ENG: variants seen among roughly 807,000 people sequenced by gnomAD.
ENG encodes CD105 antigen.
A neutral mutation model predicts 71.0 loss-of-function variants in ENG; 17 were observed. That is an observed-to-expected ratio of 0.24 (90% CI 0.16 to 0.36). The LOEUF is 0.36. Ranked by LOEUF, ENG falls within the 10% of genes least tolerant of loss-of-function variation. ENG has a pLI of 1.00. For synonymous variants in ENG, 360 were observed against 366.9 expected (o/e 0.98, Z 0.21); for missense variants, 749 against 868.3 (o/e 0.86, Z 1.73).
chr9:127,846,812 G>A lies in ENG; in HGVS notation c.68-3567C>T, dbSNP rs1219189980. ...CCGGGACTGGGTCAGAGGAGGAGCC[G>A]CTGGGGGCCTGGGTGACTGGAACCC... On this transcript the variant is annotated intron_variant, in intron 1 of 14. Coordinates refer to ENST00000373203, the MANE Select transcript of ENG (RefSeq NM_001114753.3). The surrounding 1 kb of genome is among the most constrained non-coding windows in gnomAD (Gnocchi z 5.5). 2 of 953,566 alleles carry A rather than the reference G, an allele frequency of 2.1e-6. No individual in the cohort carries two copies. Among genetic ancestry groups the A allele is most frequent in the Non-Finnish European group, 2.5e-6 (2 of 801,082 alleles). 59.1% of individuals were successfully genotyped at this position (953,566 alleles called of 1,614,324 possible). A position where few individuals can be genotyped will look rare whatever the true frequency, so the allele number is the denominator to read the frequency against.
Position 127,825,854 on chromosome 9 carries a change from C to G in ENG, c.530G>C (p.Gly177Ala). The change falls in exon 5 of 15, where the codon GGG becomes GCG. Residue 177 changes from glycine to alanine, a missense_variant. Gly to Ala is a moderately conservative substitution (Grantham distance 60, BLOSUM62 0). Transcript: ENST00000373203. The stretch of plus-strand genomic sequence containing the variant: ...TTCCAGCATGCAGAAGGACAGTGAC[C>G]CCTGGGCTGCAGAGACACGCGCACC... ...SILLRLGQAQ[G>A]SLSFCMLEAS... is the part of the protein sequence containing the mutation. 6.3e-7 allele frequency: 1 copy of G among 1,591,140 alleles called. No individual in the cohort carries two copies. Among genetic ancestry groups the G allele is most frequent in the South Asian group, 1.1e-5 (1 of 87,686 alleles).
intron 2 of ENG, among the ~76,000 whole-genome samples, chr9:127,830,340 TAAAAAAAAAAAA>T (rs141738433): frequency 1.5e-5 from 1 of 66,848 alleles, no homozygotes; most frequent in Non-Finnish European, 2.9e-5. Flanking sequence ...AGACTCCATC[TAAAAAAAAAAAA>T]AAAAAAAAGG....
chr9:127,829,968 G>A, intron 2 of ENG, 141 bp from the exon 3 acceptor site: 1 of 1,150,476 alleles, frequency 8.7e-7, no homozygotes, highest in Non-Finnish European at 1.3e-6. Context: ...AGTGCCCAGG[G>A]TAGTGCCTGT....
intron 1 of ENG, among the ~76,000 whole-genome samples, chr9:127,845,810 G>A (rs1564463766): frequency 2.6e-5 from 4 of 152,288 alleles, no homozygotes; most frequent in South Asian, 2.1e-4. Context: ...GGGTTCAAGC[G>A]ATCCTCCTGC....
At chr9:127,848,406 A>G (rs745422280) in intron 1 of ENG, among the ~76,000 whole-genome samples, 5 of 152,006 alleles carry the variant, frequency 3.3e-5, no homozygotes, top group Admixed American at 6.6e-5. Context: ...CCTCTGCCTC[A>G]GCCTCCCGAG....
intron 1 of ENG, among the ~76,000 whole-genome samples, chr9:127,843,920 C>T (rs998679447): frequency 2.1e-5 from 3 of 146,034 alleles, no homozygotes; most frequent in African/African-American, 7.5e-5. Flanking sequence ...TATAGGCATG[C>T]ACCACCACAC....
chr9:127,845,437 T>C (rs1487258461), intron 1 of ENG, among the ~76,000 whole-genome samples: 3 of 152,216 alleles, frequency 2.0e-5, no homozygotes, highest in African/African-American at 4.8e-5. Flanking sequence ...AGGCCTTATA[T>C]GTCGTCTCTC....
intron 1 of ENG, among the ~76,000 whole-genome samples, chr9:127,847,881 C>T (rs1007187540): frequency 3.3e-5 from 5 of 152,168 alleles, no homozygotes; most frequent in Non-Finnish European, 7.3e-5. Context: ...CATGCCTTGG[C>T]CCCGGGCTCC....
At position 127,837,253 on chromosome 9, in the gene ENG, G is replaced by T. The variant is rs773835858; in HGVS notation, c.219+5841C>A. On this transcript the variant is annotated intron_variant, in intron 2 of 14. Coordinates refer to ENST00000373203, the MANE Select transcript of ENG (RefSeq NM_001114753.3). ...CCTCGCTGTGGCATCCTATCTCTGAGCCTCAGCCTCCCCATCTGTGCAGGG... is the reference window on the plus strand; with the variant it reads ...CCTCGCTGTGGCATCCTATCTCTGATCCTCAGCCTCCCCATCTGTGCAGGG... Among the ~76,000 whole-genome samples, 54 of 152,282 alleles carry T rather than the reference G, an allele frequency of 3.5e-4. No individual in the cohort carries two copies. The Middle Eastern group carries it at 0.01, about 29-fold the overall frequency.
At chr9:127,824,609 C>T (rs1347561169) in intron 7 of ENG, among the ~76,000 whole-genome samples, 163 bp from the exon 8 acceptor site, 1 of 147,380 alleles carries the variant, frequency 6.8e-6, no homozygotes, top group Admixed American at 7.1e-5. Context: ...ACCTCCATCT[C>T]CCAGGTTCAA....
chr9:127,845,441 G>A (rs914000071), intron 1 of ENG, among the ~76,000 whole-genome samples: 5 of 152,204 alleles, frequency 3.3e-5, no homozygotes, highest in African/African-American at 9.6e-5. Context: ...CTTATATGTC[G>A]TCTCTCTGAC....
chr9:127,834,946 T>C (rs1328352160), intron 2 of ENG, among the ~76,000 whole-genome samples: 1 of 151,960 alleles, frequency 6.6e-6, no homozygotes, highest in Non-Finnish European at 1.5e-5. Context: ...AGTGGGTTTA[T>C]AACTTTTGGT....
intron 1 of ENG, among the ~76,000 whole-genome samples, chr9:127,847,698 T>A (rs1029772131): frequency 1.3e-5 from 2 of 151,920 alleles, no homozygotes; most frequent in East Asian, 1.9e-4. Context: ...AATCCACCCA[T>A]CTCAGCCTCC....
At chr9:127,820,801 C>G (rs1335568302) in intron 8 of ENG, among the ~76,000 whole-genome samples, 1 of 151,440 alleles carries the variant, frequency 6.6e-6, no homozygotes, top group Admixed American at 6.6e-5. Context: ...TGCACTCCAG[C>G]CTGGGCAACA....
chr9:127,815,683 T>G lies in ENG; in HGVS notation c.1976A>C (p.Ter659SerextTer22). The G allele has an allele frequency of 6.4e-7, 1 of 1,560,898 alleles. No individual in the cohort carries two copies. Among genetic ancestry groups the G allele is most frequent in the Non-Finnish European group, 8.6e-7 (1 of 1,160,136 alleles). Residue 659 changes from the stop codon to serine (S), a stop_lost, in exon 15 of 15, where the codon TAG becomes TCG. Transcript: ENST00000373203. ...CTGGGCGAGCGCGGGGGGCCGGGGC[T>G]ATGCCATGCTGCTGGTGGAGCAGGG... ...STPCSTSSMA[*>S]
Position 127,824,305 on chromosome 9 carries a change from G to A in ENG, c.1133C>T (p.Ala378Val), listed in dbSNP as rs143054595. The A allele has an allele frequency of 5.2e-5, 84 of 1,613,816 alleles. No individual in the cohort carries two copies. Among genetic ancestry groups the A allele is most frequent in the African/African-American group, 2.5e-4 (19 of 74,878 alleles). ...MTLVLKKELVAHLKCTITGLT... is the reference protein window; with the variant it reads ...MTLVLKKELVVHLKCTITGLT... ...CCAGAGGGGCAGGAGTTCCCTTACC[G>A]CAACAAGCTCTTTCTTTAGTACCAG... Residue 378 changes from alanine (A) to valine (V), a missense_variant and splice_region_variant, in exon 8 of 15, where the codon GCG (alanine) becomes GTG (valine). Transcript: ENST00000373203.
chr9:127,825,068 T>TGTCCCCACTCCTGCTGC (rs1830573854), intron 6 of ENG, 94 bp from the exon 7 acceptor site: 10 of 1,584,194 alleles, frequency 6.3e-6, no homozygotes, highest in Middle Eastern at 1.7e-4. Flanking sequence ...GGTCCTGCTG[T>TGTCCCCACTCCTGCTGC]GTCCCCACTC....
chr9:127,829,501 T>G (rs1204350081), intron 3 of ENG, among the ~76,000 whole-genome samples, 186 bp downstream of exon 3: 2 of 152,174 alleles, frequency 1.3e-5, no homozygotes, highest in Non-Finnish European at 2.9e-5. Context: ...GTAGTCCTGG[T>G]GCCCTCTGGG....
intron 9 of ENG, 50 bp from the exon 10 acceptor site, chr9:127,819,710 G>A: frequency 1.3e-6 from 2 of 1,589,134 alleles, no homozygotes; most frequent in Non-Finnish European, 1.7e-6. Flanking sequence ...GGACCCCAGA[G>A]GGTATCCCAC....
Sources: gnomAD v4.1 joint callset for allele counts (sites outside exome capture counted in the v4.1 genomes callset) on GRCh38, gnomAD v4.1.1 for gene constraint, Gnocchi (gnomAD v3.1) non-coding constraint, MANE v1.5 for transcripts, NCBI Gene and HGNC (gene_info 2026-07-23, HGNC 2026-07-21) for gene names.